Variants in STXBP3 observed in about 807,000 individuals in gnomAD.
The protein encoded by STXBP3 is syntaxin-binding protein 3.
In STXBP3, 41 loss-of-function variants were observed where a neutral mutation model predicts 85.7. The observed-to-expected ratio is 0.48, with a 90% CI of 0.37 to 0.62. The LOEUF is 0.62. Among genes scored for constraint, STXBP3 ranks in the 20% least tolerant of loss-of-function variants. The pLI is 0.00. For synonymous variants in STXBP3, 229 were observed against 231.7 expected (o/e 0.99, Z 0.10); for missense variants, 563 against 703.1 (o/e 0.80, Z 2.25).
Position 108,793,157 on chromosome 1 carries a change from A to ATTTTTTTTTTTT in STXBP3, c.964-410_964-399dup, listed in dbSNP as rs745652259. ...CTCACAGCCCCAAGCTCTTATCTCC[A>ATTTTTTTTTTTT]TTTTTTTTTTTTTTTTTTTTTTTTT... is the stretch of plus-strand genomic sequence containing the variant. On this transcript the variant is annotated intron_variant, in intron 11 of 18. Transcript: ENST00000370008. Among the ~76,000 whole-genome samples the ATTTTTTTTTTTT allele has an allele frequency of 1.6e-3, 106 of 67,436 alleles. 2 individuals carry two copies. The highest frequency in any genetic ancestry group is 2.1e-3 in the Admixed American group (10 of 4,748). 44.2% of individuals were successfully genotyped at this position (67,436 alleles called of 152,430 possible).
chr1:108,803,604 T>C (rs958239250), intron 17 of STXBP3, among the ~76,000 whole-genome samples: 1 of 152,064 alleles, frequency 6.6e-6, no homozygotes, highest in Non-Finnish European at 1.5e-5. Context: ...TCCTCGTGTC[T>C]CAGCCTCCTG....
intron 1 of STXBP3, among the ~76,000 whole-genome samples, chr1:108,751,644 A>G (rs1661909412): frequency 6.6e-6 from 1 of 152,162 alleles, no homozygotes; most frequent in South Asian, 2.1e-4. Context: ...AGTAGAACAG[A>G]TATTTGTATA....
At chr1:108,794,019 A>G (rs1663034282) in intron 12 of STXBP3, among the ~76,000 whole-genome samples, 1 of 152,348 alleles carries the variant, frequency 6.6e-6, no homozygotes, top group African/African-American at 2.4e-5. Context: ...CTGTTTAGTC[A>G]GGTAAACTAT....
At position 108,791,999 on chromosome 1, in the gene STXBP3, A is replaced by G. The variant is rs567008549; in HGVS notation, c.964-1583A>G. Among the ~76,000 whole-genome samples the G allele has an allele frequency of 3.9e-5, 6 of 152,318 alleles. No individual in the cohort carries two copies. In the East Asian group the frequency reaches 1.2e-3, roughly 29 times the overall value. On this transcript the variant is annotated intron_variant, in intron 11 of 18. Transcript: ENST00000370008. ...TTTTATTGCTGAGTAGTATTCCATCATATGGATGTACCACAAGTTGTTTAT... is the reference window on the plus strand; with the variant it reads ...TTTTATTGCTGAGTAGTATTCCATCGTATGGATGTACCACAAGTTGTTTAT...
intron 1 of STXBP3, 50 bp downstream of exon 1, chr1:108,746,836 G>C (rs1324486635): frequency 3.9e-6 from 6 of 1,535,116 alleles, no homozygotes; most frequent in Non-Finnish European, 5.3e-6. Flanking sequence ...GGAGGCTGCC[G>C]TGCCGGGCCT....
intron 11 of STXBP3, among the ~76,000 whole-genome samples, chr1:108,785,970 C>T (rs1051661003): frequency 1.3e-5 from 2 of 152,210 alleles, no homozygotes; most frequent in African/African-American, 4.8e-5. Flanking sequence ...AACTTTCCCA[C>T]ATTTTCCTGT....
chr1:108,770,017 C>T (rs750552235), intron 6 of STXBP3, among the ~76,000 whole-genome samples: 5 of 152,086 alleles, frequency 3.3e-5, no homozygotes, highest in South Asian at 4.1e-4. Flanking sequence ...AGGCTGAGCA[C>T]GGTGGCTCAC....
At chr1:108,749,399 T>G (rs1453583017) in intron 1 of STXBP3, among the ~76,000 whole-genome samples, 1 of 152,160 alleles carries the variant, frequency 6.6e-6, no homozygotes, top group Non-Finnish European at 1.5e-5. Context: ...AATCGAAAGA[T>G]TAATATGATA....
chr1:108,796,201 A>G, intron 13 of STXBP3, 33 bp from the exon 14 acceptor site: 1 of 1,597,208 alleles, frequency 6.3e-7, no homozygotes, highest in Non-Finnish European at 8.5e-7. Flanking sequence ...AATTTTGGTT[A>G]TAGATCACTG....
intron 8 of STXBP3, among the ~76,000 whole-genome samples, chr1:108,778,831 C>T (rs983666301): frequency 2.0e-5 from 3 of 152,152 alleles, no homozygotes; most frequent in African/African-American, 4.8e-5. Context: ...CCAGGACCTC[C>T]TGTGTATACC....
At chr1:108,772,842 A>G (rs1431187345) in intron 7 of STXBP3, 23 bp downstream of exon 7, 9 of 1,556,672 alleles carry the variant, frequency 5.8e-6, no homozygotes, top group Non-Finnish European at 7.8e-6. Context: ...GCATCTGCAC[A>G]TGTTATGCTT....
intron 11 of STXBP3, among the ~76,000 whole-genome samples, chr1:108,786,798 C>T (rs1472325422): frequency 6.6e-6 from 1 of 152,158 alleles, no homozygotes; most frequent in Non-Finnish European, 1.5e-5. Context: ...TTCTGCTTGA[C>T]AATTTCAACA....
intron 15 of STXBP3, 117 bp downstream of exon 15, chr1:108,796,843 A>G: frequency 1.6e-6 from 1 of 611,770 alleles, no homozygotes; most frequent in East Asian, 3.4e-5. Context: ...ATAGATTTTG[A>G]ATAAGTAAGC....
chr1:108,808,978 G>A lies in STXBP3; in HGVS notation c.*101G>A. ...AATTTAAACAATGTAAATATTTTAT[G>A]GAATAATGGCTTTTCAAATACATTT... is the stretch of plus-strand genomic sequence containing the variant. On this transcript the variant is annotated 3_prime_UTR_variant, in exon 19 of 19. Transcript: ENST00000370008. 1.3e-6 allele frequency: 1 copy of A among 757,780 alleles called. No individual in the cohort carries two copies. The highest frequency in any genetic ancestry group is 1.9e-5 in the South Asian group (1 of 52,314). The allele number at this position is 757,780 out of a possible 1,614,324, so 46.9% of individuals were successfully genotyped here. A position where few individuals can be genotyped will look rare whatever the true frequency, so the allele number is the denominator to read the frequency against.
intron 4 of STXBP3, among the ~76,000 whole-genome samples, chr1:108,758,022 C>T (rs1475931274): frequency 1.3e-5 from 2 of 152,006 alleles, no homozygotes; most frequent in East Asian, 1.9e-4. Context: ...CTTGCAGTCA[C>T]CTACCAAGCT....
Position 108,765,570 on chromosome 1 carries a change from A to ATTTTTTTTTTTTTTTTTTTTTTTTTTT in STXBP3, c.438+5507_438+5508insTTTTTTTTTTTTTTTTTTTTTTTTTTT, listed in dbSNP as rs35813823. On this transcript the variant is annotated intron_variant, in intron 6 of 18. Transcript: ENST00000370008. ...TCATGGTAAAAAGCACCACATGCTA[A>ATTTTTTTTTTTTTTTTTTTTTTTTTTT]TTTTTTTTTTTTTTTTTTTTTTGAG... Among the ~76,000 whole-genome samples the ATTTTTTTTTTTTTTTTTTTTTTTTTTT allele has an allele frequency of 3.0e-5, 2 of 67,168 alleles. 1 individual carries two copies. The highest frequency in any genetic ancestry group is 6.2e-5 in the Non-Finnish European group (2 of 32,162). The allele number at this position is 67,168 out of a possible 152,430, so 44.1% of individuals were successfully genotyped here. A position where few individuals can be genotyped will look rare whatever the true frequency, so the allele number is the denominator to read the frequency against.
intron 1 of STXBP3, among the ~76,000 whole-genome samples, chr1:108,748,441 C>A (rs1661838708): frequency 6.6e-6 from 1 of 152,086 alleles, no homozygotes; most frequent in Non-Finnish European, 1.5e-5. Context: ...AGGATCCCTT[C>A]AGCCCAGGAG....
chr1:108,751,965 A>G lies in STXBP3; in HGVS notation c.50-292A>G, dbSNP rs542237093. 3.3e-5 allele frequency among the ~76,000 whole-genome samples: 5 copies of G among 152,280 alleles called. No individual in the cohort carries two copies. The South Asian group carries it at 1.0e-3, about 32-fold the overall frequency. ...TACTTGGGATTTAAGTAGAATAGGA[A>G]AAACCAAATCAGGTAATAATTTTAG... On this transcript the variant is annotated intron_variant, in intron 1 of 18. Transcript: ENST00000370008.
At chr1:108,804,501 G>T (rs894173739) in intron 17 of STXBP3, among the ~76,000 whole-genome samples, 1 of 151,638 alleles carries the variant, frequency 6.6e-6, no homozygotes, top group African/African-American at 2.4e-5. Context: ...ATACTCTTTG[G>T]GTTCAATTCT....
Sources: allele counts gnomAD v4.1 joint callset (sites outside exome capture counted in the v4.1 genomes callset), GRCh38; gene constraint gnomAD v4.1.1; transcripts MANE v1.5; gene names NCBI Gene and HGNC (gene_info 2026-07-23, HGNC 2026-07-21).